NRXN2: variants seen among roughly 807,000 people sequenced by gnomAD.
NRXN2 encodes the protein neurexin-2-beta.
In NRXN2, 29 loss-of-function variants were observed where a neutral mutation model predicts 128.8. That is an observed-to-expected ratio of 0.23 (90% CI 0.17 to 0.31). The LOEUF is 0.31. Ranked by LOEUF, NRXN2 falls within the 10% of genes least tolerant of loss-of-function variation. The probability of loss-of-function intolerance (pLI) is 1.00; values close to 1 mark genes in which losing one functional copy is unlikely to be tolerated. For synonymous variants in NRXN2, 1,098 were observed against 1,075.2 expected (o/e 1.02, Z -0.41); for missense variants, 1,881 against 2,452.6 (o/e 0.77, Z 4.92).
chr11:64,704,623 C>CACACACACAG (rs1336665936), intron 2 of NRXN2, among the ~76,000 whole-genome samples: 24 of 81,182 alleles, frequency 3.0e-4, no homozygotes, highest in Non-Finnish European at 4.3e-4. Flanking sequence ...CACACACACA[C>CACACACACAG]AGAGAGAGAG....
chr11:64,640,567 G>A (rs567498807), intron 17 of NRXN2, among the ~76,000 whole-genome samples: 1 of 152,162 alleles, frequency 6.6e-6, no homozygotes, highest in African/African-American at 2.4e-5. Flanking sequence ...CCTGGGGAGG[G>A]GGAGGGAGTT....
At chr11:64,693,709 T>A (rs1352054563) in intron 3 of NRXN2, among the ~76,000 whole-genome samples, 1 of 151,750 alleles carries the variant, frequency 6.6e-6, no homozygotes, top group Non-Finnish European at 1.5e-5. Flanking sequence ...AGGACAAAAT[T>A]AGAGAGGAAG....
At position 64,660,786 on chromosome 11, in the gene NRXN2, C is replaced by T. The variant is rs1644183296; in HGVS notation, c.2152G>A (p.Gly718Arg). 2 of 1,613,628 alleles carry T rather than the reference C, an allele frequency of 1.2e-6. No homozygotes were observed. The highest frequency in any genetic ancestry group is 2.2e-5 in the East Asian group (1 of 44,882). Residue 718 changes from glycine (G) to arginine (R), a missense_variant, in exon 10 of 23, where the codon GGG becomes AGG. Coordinates refer to ENST00000265459, the MANE Select transcript of NRXN2 (RefSeq NM_015080.4). The surrounding 1 kb of genome is among the most constrained non-coding windows in gnomAD (Gnocchi z 5.2). ...CAGACCCGCCCAAGAAAGCCGGTCCCGATGCAGTCACAGATGAAGCGGTTC... is the reference window on the plus strand; with the variant it reads ...CAGACCCGCCCAAGAAAGCCGGTCCTGATGCAGTCACAGATGAAGCGGTTC... ...GWNRFICDCI[G>R]TGFLGRVCER...
At chr11:64,666,471 G>A (rs2049879611) in intron 9 of NRXN2, among the ~76,000 whole-genome samples, 1 of 152,054 alleles carries the variant, frequency 6.6e-6, no homozygotes, top group African/African-American at 2.4e-5. Context: ...CAAAGTGCTG[G>A]AATTACAGGC....
In NRXN2 at chr11:64,697,764, G is replaced by C. The variant is rs765670869; in HGVS notation, c.748+11C>G. Reference sequence around the variant, plus strand: ...GATCCACTACCCCAGTGACAGAGAGGCTTCACTCACCTTCCATGGGGTGCT... The same window carrying C: ...GATCCACTACCCCAGTGACAGAGAGCCTTCACTCACCTTCCATGGGGTGCT... On this transcript the variant is annotated intron_variant, in intron 3 of 22. Coordinates refer to ENST00000265459, the MANE Select transcript of NRXN2 (RefSeq NM_015080.4). The C allele has an allele frequency of 1.2e-6, 2 of 1,613,788 alleles. No homozygotes were observed. Among genetic ancestry groups the C allele is most frequent in the Non-Finnish European group, 1.7e-6 (2 of 1,179,806 alleles).
chr11:64,698,136 C>T (rs77879841), intron 2 of NRXN2, among the ~76,000 whole-genome samples: 12 of 152,196 alleles, frequency 7.9e-5, no homozygotes, highest in Admixed American at 7.2e-4. Flanking sequence ...GAGTGGCAGT[C>T]AGGCTTCTCA....
chr11:64,607,524 G>A lies in NRXN2; in HGVS notation c.4811C>T (p.Pro1604Leu), dbSNP rs958709597. 8.8e-6 allele frequency: 14 copies of A among 1,584,224 alleles called. No homozygotes were observed. The African/African-American group carries it at 1.6e-4, about 18-fold the overall frequency. Reference protein sequence around the residue: ...PPLRPGVTSAPGFPHLPTANP... With the variant: ...PPLRPGVTSALGFPHLPTANP... ...GGCTGTGGGCAGATGGGGGAAGCCG[G>A]GGGCTGAGGTCACGCCGGGGCGCAG... Residue 1604 changes from proline to leucine, a missense_variant, in exon 23 of 23, where the codon CCC (proline) becomes CTC (leucine). Around this residue, in one of 7 missense-constraint regions of NRXN2, gnomAD observed 310 missense variants for 318.2 expected, o/e 0.97. Coordinates refer to ENST00000265459, the MANE Select transcript of NRXN2 (RefSeq NM_015080.4).
At position 64,607,248 on chromosome 11, in the gene NRXN2, G is replaced by T; in HGVS notation, c.5087C>A (p.Pro1696His). The T allele has an allele frequency of 6.2e-7, 1 of 1,613,974 alleles. No homozygotes were observed. The highest frequency in any genetic ancestry group is 8.5e-7 in the Non-Finnish European group (1 of 1,179,964). Residue 1696 changes from proline (P) to histidine (H), a missense_variant, in exon 23 of 23, where the codon CCC becomes CAC. Pro to His is a moderately conservative substitution (Grantham distance 77, BLOSUM62 -2). This residue lies in a region of NRXN2 where 63 missense variants were observed against 76.0 expected (regional missense o/e 0.83). Transcript: ENST00000265459. ...AVVKEKAPAA[P>H]KTPSKAKKNK... ...CTTCTTGGCCTTGCTGGGCGTCTTGGGGGCAGCCGGGGCCTTCTCTTTCAC... is the reference window on the plus strand; with the variant it reads ...CTTCTTGGCCTTGCTGGGCGTCTTGTGGGCAGCCGGGGCCTTCTCTTTCAC...
rs2049018904 is a variant in NRXN2 at position 64,661,465 on chromosome 11, CTCGGAAAGGG to C, written c.1799-336_1799-327del. The C allele has an allele frequency of 2.0e-5, 24 of 1,187,716 alleles. No individual in the cohort carries two copies. The South Asian group carries it at 4.1e-4, about 20-fold the overall frequency. The allele number at this position is 1,187,716 out of a possible 1,614,324, so 73.6% of individuals were successfully genotyped here. On this transcript the variant is annotated intron_variant, in intron 9 of 22. Transcript: ENST00000265459. ...GAAGTGGGCATGCCGAAATCTTGAG[CTCGGAAAGGG>C]TTGGATCATTCACTGGGTCATTCCT...
At chr11:64,628,999 C>G (rs570099773) in intron 19 of NRXN2, among the ~76,000 whole-genome samples, 3 of 151,588 alleles carry the variant, frequency 2.0e-5, no homozygotes, top group Admixed American at 2.0e-4. Context: ...TAGGGGGCCA[C>G]GCAGGCCTCT....
intron 6 of NRXN2, among the ~76,000 whole-genome samples, chr11:64,679,448 T>A (rs1475274116): frequency 6.6e-6 from 1 of 151,870 alleles, no homozygotes; most frequent in African/African-American, 2.4e-5. Flanking sequence ...CCATCCTGGC[T>A]AACACGGTGA....
rs1255474808 is a variant in NRXN2, at chr11:64,630,528, TGTC to T, written c.3628_3630del (p.Asp1210del). 1.2e-6 allele frequency: 2 copies of T among 1,613,922 alleles called. No individual in the cohort carries two copies. Among genetic ancestry groups the T allele is most frequent in the Non-Finnish European group, 1.7e-6 (2 of 1,180,022 alleles). The stretch of plus-strand genomic sequence containing the variant: ...ATGGCGTTGGGCTCGTCGATGGTAA[TGTC>T]GTCCGTGCCCACGTTAAAGATCACC... On this transcript the variant is annotated inframe_deletion, in exon 19 of 23. Coordinates refer to ENST00000265459, the MANE Select transcript of NRXN2 (RefSeq NM_015080.4). The surrounding 1 kb of genome is among the most constrained non-coding windows in gnomAD (Gnocchi z 4.6).
rs530377542 is a variant in NRXN2 at position 64,630,983 on chromosome 11, G to A, written c.3586-410C>T. 1.3e-5 allele frequency among the ~76,000 whole-genome samples: 2 copies of A among 152,324 alleles called. No homozygotes were observed. Among genetic ancestry groups the A allele is most frequent in the South Asian group, 4.1e-4 (2 of 4,830 alleles). On this transcript the variant is annotated intron_variant, in intron 18 of 22. Coordinates refer to ENST00000265459, the MANE Select transcript of NRXN2 (RefSeq NM_015080.4). This position sits in a 1 kb window ranked among gnomAD's most constrained non-coding sequence, Gnocchi z 4.6. ...ATCAGCAGAGAAGTCCACAGAAGCCGGCCTCTGCCAGAGGAAGGTCTGACC... is the reference window on the plus strand; with the variant it reads ...ATCAGCAGAGAAGTCCACAGAAGCCAGCCTCTGCCAGAGGAAGGTCTGACC...
intron 22 of NRXN2, among the ~76,000 whole-genome samples, chr11:64,615,023 GC>G (rs2041259663): frequency 6.6e-6 from 1 of 152,192 alleles, no homozygotes; most frequent in South Asian, 2.1e-4. Context: ...CACTAGCTGG[GC>G]CCCAGACCTG....
intron 6 of NRXN2, among the ~76,000 whole-genome samples, chr11:64,685,355 C>G (rs989596216): frequency 1.3e-5 from 2 of 152,116 alleles, no homozygotes; most frequent in African/African-American, 2.4e-5. Context: ...CCCCATCCCT[C>G]GAGAGCCCAG....
At position 64,622,930 on chromosome 11, in the gene NRXN2, C is replaced by A. The variant is rs767732095; in HGVS notation, c.3996G>T (p.Arg1332=). ...ALAAESDPNV[R]TEGHLRLVGE... is the part of the protein sequence containing the mutation. ...CCACCAGGCGCAGGTGACCCTCAGTCCGCACATTGGGGTCGCTCTCGGCGG... is the reference window on the plus strand; with the variant it reads ...CCACCAGGCGCAGGTGACCCTCAGTACGCACATTGGGGTCGCTCTCGGCGG... The change falls in exon 21 of 23, where the codon CGG becomes CGT. Residue 1332 remains arginine (R), a synonymous_variant. Coordinates refer to ENST00000265459, the MANE Select transcript of NRXN2 (RefSeq NM_015080.4). The surrounding 1 kb of genome is among the most constrained non-coding windows in gnomAD (Gnocchi z 4.3). The A allele has an allele frequency of 7.3e-5, 117 of 1,613,298 alleles. No individual in the cohort carries two copies. In the Admixed American group the frequency reaches 1.9e-3, roughly 26 times the overall value.
At chr11:64,679,752 A>T (rs1003427294) in intron 6 of NRXN2, among the ~76,000 whole-genome samples, 4 of 152,194 alleles carry the variant, frequency 2.6e-5, no homozygotes, top group African/African-American at 9.6e-5. Context: ...GTTGGAGTAG[A>T]TGAGATGGGG....
At chr11:64,668,376 A>T in intron 8 of NRXN2, 67 bp downstream of exon 8, 3 of 1,594,294 alleles carry the variant, frequency 1.9e-6, no homozygotes, top group Non-Finnish European at 2.6e-6. Context: ...GGTCAGACTA[A>T]GTCACGCTGA....
rs1326455769 is a variant in NRXN2, at chr11:64,685,863, T to C, written c.935A>G (p.Asp312Gly). ...GGTGCGGAAGGCCAGTGTGATCTCA[T>C]CAGTGCTGCTCTGGATGGGGTTGTG... The part of the protein sequence containing the change: ...LSHNPIQSST[D>G]EITLAFRTLQ... Residue 312 changes from aspartate (D) to glycine (G), a missense_variant, in exon 6 of 23, where the codon GAT (aspartate) becomes GGT (glycine). Coordinates refer to ENST00000265459, the MANE Select transcript of NRXN2 (RefSeq NM_015080.4). 6.2e-7 allele frequency: 1 copy of C among 1,614,066 alleles called. No homozygotes were observed. The highest frequency in any genetic ancestry group is 2.2e-5 in the East Asian group (1 of 44,892).
Sources: allele counts gnomAD v4.1 joint callset (sites outside exome capture counted in the v4.1 genomes callset), GRCh38; gene constraint gnomAD v4.1.1; regional missense constraint gnomAD v4.1.1; non-coding constraint Gnocchi (gnomAD v3.1); transcripts MANE v1.5; gene names NCBI Gene and HGNC (gene_info 2026-07-23, HGNC 2026-07-21).